Variants in FOXN3 observed in about 807,000 individuals in gnomAD.
The protein encoded by FOXN3 is forkhead box N3.
In FOXN3, 7 loss-of-function variants were observed where a neutral mutation model predicts 38.4. The observed-to-expected ratio is 0.18, with a 90% CI of 0.10 to 0.34. FOXN3 has a LOEUF of 0.34. FOXN3 is among the 10% of genes least tolerant of loss of function. The pLI is 1.00. For synonymous variants in FOXN3, 230 were observed against 242.2 expected (o/e 0.95, Z 0.47); for missense variants, 456 against 613.4 (o/e 0.74, Z 2.71).
rs998558539 is a variant in FOXN3 at position 89,159,410 on chromosome 14, T to A, written c.*3004A>T. ...TCCAACGAAGGGAGACTCAGGAAAA[T>A]CACACTTAGAAAGCTGCCCGATGAG... On this transcript the variant is annotated 3_prime_UTR_variant, in exon 6 of 6. Coordinates refer to ENST00000557258, the MANE Select transcript of FOXN3 (RefSeq NM_005197.4). 1 of 152,592 alleles carries A rather than the reference T, an allele frequency of 6.6e-6. No homozygotes were observed. Among genetic ancestry groups the A allele is most frequent in the African/African-American group, 2.4e-5 (1 of 41,440 alleles). 9.5% of individuals were successfully genotyped at this position (152,592 alleles called of 1,614,324 possible).
intron 1 of FOXN3, among the ~76,000 whole-genome samples, chr14:89,444,131 GGA>G (rs1337838368): frequency 6.6e-6 from 1 of 151,892 alleles, no homozygotes; most frequent in African/African-American, 2.4e-5. Context: ...AGAGAAGATG[GGA>G]GAGAGAGGTG....
intron 1 of FOXN3, among the ~76,000 whole-genome samples, chr14:89,518,413 G>C (rs1306005177): frequency 6.6e-6 from 1 of 152,124 alleles, no homozygotes; most frequent in African/African-American, 2.4e-5. Context: ...AGACTGATTG[G>C]AGGAGGGGCA....
chr14:89,596,935 T>C (rs1420932907), intron 1 of FOXN3, among the ~76,000 whole-genome samples: 1 of 152,190 alleles, frequency 6.6e-6, no homozygotes, highest in African/African-American at 2.4e-5. Context: ...TATTAGTCCT[T>C]TGGCTCTGTT....
intron 5 of FOXN3, among the ~76,000 whole-genome samples, chr14:89,173,091 T>C (rs902751553): frequency 6.6e-6 from 1 of 152,134 alleles, no homozygotes; most frequent in South Asian, 2.1e-4. Context: ...ATGTAGACTA[T>C]ACCAAGAACT....
intron 4 of FOXN3, among the ~76,000 whole-genome samples, chr14:89,264,549 G>C (rs1294989898): frequency 6.6e-6 from 1 of 152,112 alleles, no homozygotes; most frequent in Non-Finnish European, 1.5e-5. Flanking sequence ...ACATCACAAG[G>C]ATAACCAGAA....
Position 89,246,542 on chromosome 14 carries a change from C to CTTT in FOXN3, c.745+34405_745+34407dup, listed in dbSNP as rs755916666. 8.3e-5 allele frequency among the ~76,000 whole-genome samples: 7 copies of CTTT among 83,986 alleles called. 1 individual carries two copies. Among genetic ancestry groups the CTTT allele is most frequent in the East Asian group, 6.9e-4 (2 of 2,912 alleles). The allele number at this position is 83,986 out of a possible 152,430, so 55.1% of individuals were successfully genotyped here. A position where few individuals can be genotyped will look rare whatever the true frequency, so the allele number is the denominator to read the frequency against. ...TTCTCATCTTATTTGCAGGATGCGG[C>CTTT]TTTTTTTTTTTTTTTTTTGAGACAG... On this transcript the variant is annotated intron_variant, in intron 4 of 5. Coordinates refer to ENST00000557258, the MANE Select transcript of FOXN3 (RefSeq NM_005197.4).
upstream of FOXN3, among the ~76,000 whole-genome samples, chr14:89,421,508 T>C (rs1891906636): frequency 6.8e-6 from 1 of 147,104 alleles, no homozygotes; most frequent in Admixed American, 7.0e-5. Flanking sequence ...AATTGGTTTA[T>C]GGTGTTTCCA....
Position 89,412,195 on chromosome 14 carries a change from G to A in FOXN3, c.282C>T (p.Thr94=), listed in dbSNP as rs202006470. The A allele has an allele frequency of 8.1e-6, 13 of 1,613,394 alleles. No homozygotes were observed. The highest frequency in any genetic ancestry group is 1.1e-5 in the Non-Finnish European group (13 of 1,179,698). ...TGTCAGAGTGGGCAGGGGATGGGGG[G>A]GTGTCATCGTCCAGGTCCTGGACGG... ...VSPVQDLDDD[T]PPSPAHSDMP... The change falls in exon 2 of 6, where the codon ACC becomes ACT. Residue 94 remains threonine, a synonymous_variant. Transcript: ENST00000557258. The surrounding 1 kb of genome is among the most constrained non-coding windows in gnomAD (Gnocchi z 4.7).
chr14:89,321,646 T>C (rs1204792171), intron 3 of FOXN3, among the ~76,000 whole-genome samples: 4 of 152,190 alleles, frequency 2.6e-5, no homozygotes, highest in Admixed American at 6.5e-5. Context: ...TTTCTAGACT[T>C]TGGCTTGAAG....
intron 5 of FOXN3, among the ~76,000 whole-genome samples, chr14:89,169,518 C>CACACAT (rs1250870034): frequency 1.3e-5 from 2 of 151,728 alleles, no homozygotes; most frequent in Non-Finnish European, 2.9e-5. Context: ...TACACACACA[C>CACACAT]ACACACACAC....
intron 4 of FOXN3, among the ~76,000 whole-genome samples, chr14:89,192,382 A>G (rs1887978473): frequency 7.1e-6 from 1 of 140,852 alleles, no homozygotes; most frequent in African/African-American, 2.6e-5. Flanking sequence ...ATTTTATATA[A>G]GTTAATATAC....
At chr14:89,306,589 A>G (rs529033946) in intron 3 of FOXN3, among the ~76,000 whole-genome samples, 1 of 152,052 alleles carries the variant, frequency 6.6e-6, no homozygotes, top group South Asian at 2.1e-4. Context: ...GCATGGTCTC[A>G]ATCTCCTGAA....
chr14:89,283,409 C>T (rs1027018292), intron 3 of FOXN3, among the ~76,000 whole-genome samples: 1 of 152,158 alleles, frequency 6.6e-6, no homozygotes, highest in African/African-American at 2.4e-5. Context: ...GTTGGGAAGG[C>T]AACAAGCTTG....
chr14:89,569,221 G>T (rs1895440105), intron 1 of FOXN3, among the ~76,000 whole-genome samples: 1 of 150,528 alleles, frequency 6.6e-6, no homozygotes, highest in Admixed American at 6.6e-5. Context: ...AAAGAAAGGT[G>T]CCATTTCCAT....
chr14:89,222,936 T>C (rs1884514367), intron 4 of FOXN3, among the ~76,000 whole-genome samples: 1 of 152,164 alleles, frequency 6.6e-6, no homozygotes. Context: ...GCCTCAATTT[T>C]TTTTTCTTTT....
chr14:89,348,683 G>C (rs572829814), intron 3 of FOXN3, among the ~76,000 whole-genome samples: 1 of 152,220 alleles, frequency 6.6e-6, no homozygotes, highest in East Asian at 1.9e-4. Context: ...CAGTCAACTG[G>C]GGATAAAGGC....
At chr14:89,368,778 C>G (rs1347185788) in intron 2 of FOXN3, among the ~76,000 whole-genome samples, 1 of 152,154 alleles carries the variant, frequency 6.6e-6, no homozygotes, top group African/African-American at 2.4e-5. Flanking sequence ...GCCTTCTCAG[C>G]TCAGCTGAGA....
chr14:89,326,979 CAT>C (rs1397540452), intron 3 of FOXN3, among the ~76,000 whole-genome samples: 1 of 152,224 alleles, frequency 6.6e-6, no homozygotes, highest in Non-Finnish European at 1.5e-5. Context: ...CACACACACA[CAT>C]GCTCACACAC....
chr14:89,432,420 A>G (rs185318500), intron 1 of FOXN3, among the ~76,000 whole-genome samples: 15 of 152,308 alleles, frequency 9.8e-5, no homozygotes, highest in African/African-American at 3.6e-4. Context: ...ACTGCGATCC[A>G]AAGGATTATA....
Sources: gnomAD v4.1 joint callset for allele counts (sites outside exome capture counted in the v4.1 genomes callset) on GRCh38, gnomAD v4.1.1 for gene constraint, Gnocchi (gnomAD v3.1) non-coding constraint, MANE v1.5 for transcripts, NCBI Gene and HGNC (gene_info 2026-07-23, HGNC 2026-07-21) for gene names.